The following EXOC4 variants were observed in gnomAD, a reference collection of about 807,000 sequenced individuals.
EXOC4 encodes the protein SEC8-like 1.
In EXOC4, 71 loss-of-function variants were observed where a neutral mutation model predicts 107.2. That is an observed-to-expected ratio of 0.66 (90% CI 0.55 to 0.81). EXOC4 has a LOEUF of 0.81. Among genes scored for constraint, EXOC4 ranks in the 30% least tolerant of loss-of-function variants. EXOC4 has a pLI of 0.00. For synonymous variants in EXOC4, 456 were observed against 441.2 expected (o/e 1.03, Z -0.42); for missense variants, 1,108 against 1,189.6 (o/e 0.93, Z 1.01).
intron 10 of EXOC4, among the ~76,000 whole-genome samples, chr7:133,791,614 G>T (rs958863125): frequency 1.3e-5 from 2 of 152,118 alleles, no homozygotes; most frequent in African/African-American, 4.8e-5. Context: ...AAAACAAAAT[G>T]TCCATGAGAG....
At chr7:133,574,217 G>A (rs1801080905) in intron 9 of EXOC4, among the ~76,000 whole-genome samples, 1 of 152,058 alleles carries the variant, frequency 6.6e-6, no homozygotes, top group Non-Finnish European at 1.5e-5. Context: ...ACACGTATGT[G>A]TGTACATGCA....
Position 133,380,203 on chromosome 7 carries a change from C to T in EXOC4, c.1182+5201C>T, listed in dbSNP as rs1269101148. Among the ~76,000 whole-genome samples the T allele has an allele frequency of 7.3e-5, 11 of 150,146 alleles. No individual in the cohort carries two copies. In the South Asian group the frequency reaches 1.5e-3, roughly 20 times the overall value. ...TGTATACATATGTAACAAACCTGCA[C>T]GTTGTGCACATGTACCCTAGAACTT... On this transcript the variant is annotated intron_variant, in intron 7 of 17. Coordinates refer to ENST00000253861, the MANE Select transcript of EXOC4 (RefSeq NM_021807.4).
chr7:133,501,464 G>T (rs1288896506), intron 9 of EXOC4, among the ~76,000 whole-genome samples: 3 of 152,114 alleles, frequency 2.0e-5, no homozygotes, highest in South Asian at 2.1e-4. Flanking sequence ...TGACAAAAAC[G>T]AATCTTGACA....
chr7:134,057,389 T>G (rs928512421), intron 17 of EXOC4, among the ~76,000 whole-genome samples: 1 of 150,592 alleles, frequency 6.6e-6, no homozygotes, highest in Non-Finnish European at 1.5e-5. Flanking sequence ...AAAACTGTCC[T>G]GATACAGAAT....
At chr7:133,950,281 C>T (rs138725813) in intron 14 of EXOC4, among the ~76,000 whole-genome samples, 284 of 152,260 alleles carry the variant, frequency 1.9e-3, no homozygotes, top group South Asian at 0.016. Flanking sequence ...TCCTGACACC[C>T]GAGGGATACA....
intron 10 of EXOC4, among the ~76,000 whole-genome samples, chr7:133,683,308 G>A (rs1794226971): frequency 1.3e-5 from 2 of 152,008 alleles, no homozygotes; most frequent in African/African-American, 2.4e-5. Flanking sequence ...GCTCTGCTTG[G>A]GCCATAATTG....
chr7:133,445,092 A>G (rs74497035), intron 7 of EXOC4, among the ~76,000 whole-genome samples: 1,816 of 152,218 alleles, frequency 0.012, 41 homozygotes, highest in African/African-American at 0.041. Flanking sequence ...CTGATTGACA[A>G]GTTCCTCCTG....
intron 5 of EXOC4, among the ~76,000 whole-genome samples, chr7:133,343,716 A>G (rs1275616207): frequency 6.8e-6 from 1 of 146,664 alleles, no homozygotes; most frequent in African/African-American, 2.5e-5. Flanking sequence ...CATCCTGCCT[A>G]TTTCTTTATC....
intron 7 of EXOC4, among the ~76,000 whole-genome samples, chr7:133,403,126 ACCC>A (rs1239856345): frequency 1.8e-4 from 28 of 151,492 alleles, no homozygotes; most frequent in Non-Finnish European, 3.5e-4. Flanking sequence ...CTCGTGATCC[ACCC>A]GCCTCGGCCT....
chr7:133,284,689 GC>G (rs1252308365), intron 2 of EXOC4, among the ~76,000 whole-genome samples: 1 of 152,018 alleles, frequency 6.6e-6, no homozygotes, highest in East Asian at 1.9e-4. Flanking sequence ...CCGCCACCAT[GC>G]CTGGCTAATT....
At position 133,364,463 on chromosome 7, in the gene EXOC4, G is replaced by C. The variant is rs942478964; in HGVS notation, c.1007+7890G>C. 3.9e-5 allele frequency among the ~76,000 whole-genome samples: 6 copies of C among 151,980 alleles called. 1 individual carries two copies. Among genetic ancestry groups the C allele is most frequent in the Admixed American group, 1.3e-4 (2 of 15,256 alleles). ...CCAGTTTTAATGAATGAATGAATAA[G>C]AAAAAGATGCAAATAAGGTCATTTA... On this transcript the variant is annotated intron_variant, in intron 6 of 17. Transcript: ENST00000253861.
chr7:133,838,287 ATACC>A (rs1277505794), intron 11 of EXOC4, among the ~76,000 whole-genome samples: 7 of 152,228 alleles, frequency 4.6e-5, no homozygotes, highest in Admixed American at 1.3e-4. Context: ...AGAAAACAAA[ATACC>A]TAGCCATCTG....
At chr7:133,814,456 C>G (rs1324920042) in intron 10 of EXOC4, among the ~76,000 whole-genome samples, 1 of 152,030 alleles carries the variant, frequency 6.6e-6, no homozygotes, top group Non-Finnish European at 1.5e-5. Flanking sequence ...AGTCTTTTGC[C>G]TAAAAACAAT....
rs780839998 is a variant in EXOC4, at chr7:133,305,975, G to C, written c.570G>C (p.Leu190Phe). 1.9e-6 allele frequency: 3 copies of C among 1,613,752 alleles called. No individual in the cohort carries two copies. Among genetic ancestry groups the C allele is most frequent in the East Asian group, 2.2e-5 (1 of 44,864 alleles). ...ACAGCAAGAAGATGAACCTTCACTTGGTTCTCATAGATGAACTACACCGGC... is the reference window on the plus strand; with the variant it reads ...ACAGCAAGAAGATGAACCTTCACTTCGTTCTCATAGATGAACTACACCGGC... ...ELHSKKMNLH[L>F]VLIDELHRHL... Residue 190 changes from leucine (L) to phenylalanine (F), a missense_variant, in exon 4 of 18, where the codon TTG becomes TTC. Coordinates refer to ENST00000253861, the MANE Select transcript of EXOC4 (RefSeq NM_021807.4).
chr7:133,408,563 T>C (rs1797281701), intron 7 of EXOC4, among the ~76,000 whole-genome samples: 1 of 151,866 alleles, frequency 6.6e-6, no homozygotes, highest in Non-Finnish European at 1.5e-5. Flanking sequence ...AAGATGCTGA[T>C]GGTAATGATG....
At chr7:133,382,373 C>A (rs994990253) in intron 7 of EXOC4, among the ~76,000 whole-genome samples, 1 of 151,966 alleles carries the variant, frequency 6.6e-6, no homozygotes, top group African/African-American at 2.4e-5. Flanking sequence ...TTATTGGGAC[C>A]AACTATGTAC....
chr7:134,061,562 G>A (rs574442310), intron 17 of EXOC4, among the ~76,000 whole-genome samples: 4 of 152,258 alleles, frequency 2.6e-5, no homozygotes, highest in East Asian at 1.9e-4. Context: ...TCTAGAAATC[G>A]CAGCTTTCAA....
chr7:133,787,963 T>TA (rs1796616109), intron 10 of EXOC4, among the ~76,000 whole-genome samples: 21 of 40,948 alleles, frequency 5.1e-4, no homozygotes, highest in Non-Finnish European at 6.3e-4. Context: ...ATTTATATAT[T>TA]TATATATATA....
chr7:133,633,759 C>T (rs1369373295), intron 10 of EXOC4, among the ~76,000 whole-genome samples: 4 of 152,098 alleles, frequency 2.6e-5, no homozygotes, highest in Non-Finnish European at 5.9e-5. Context: ...CACAAGTTGA[C>T]TTTTATCAAA....
Sources: allele counts gnomAD v4.1 joint callset (sites outside exome capture counted in the v4.1 genomes callset), GRCh38; gene constraint gnomAD v4.1.1; transcripts MANE v1.5; gene names NCBI Gene and HGNC (gene_info 2026-07-23, HGNC 2026-07-21).